Variants in LDAH observed in about 807,000 individuals in gnomAD.
LDAH encodes lipid droplet-associated hydrolase.
A neutral mutation model predicts 29.6 loss-of-function variants in LDAH; 26 were observed. The ratio of observed to expected loss-of-function variants is 0.88; its 90% CI spans 0.64 to 1.22. The LOEUF (loss-of-function observed/expected upper bound fraction) is 1.22. LDAH is among the 50% of genes most tolerant of loss of function. The pLI is 0.00. For missense variants in LDAH, 344 were observed against 387.3 expected, an observed-to-expected ratio of 0.89 and a Z score of 0.94; for synonymous variants, 117 against 133.0, an observed-to-expected ratio of 0.88 and a Z score of 0.83.
At chr2:20,756,238 T>C (rs1274210669) in intron 4 of LDAH, among the ~76,000 whole-genome samples, 1 of 152,102 alleles carries the variant, frequency 6.6e-6, no homozygotes, top group Non-Finnish European at 1.5e-5. Flanking sequence ...TTTCACCATA[T>C]TGGTCAGGCT....
intron 5 of LDAH, among the ~76,000 whole-genome samples, chr2:20,730,359 G>A (rs1666312592): frequency 6.6e-6 from 1 of 152,194 alleles, no homozygotes; most frequent in Non-Finnish European, 1.5e-5. Flanking sequence ...TCATAGGGTA[G>A]CTGCGTGTTT....
chr2:20,759,697 T>C lies in LDAH; in HGVS notation c.468+15113A>G, dbSNP rs562727283. On this transcript the variant is annotated intron_variant, in intron 4 of 6. Coordinates refer to ENST00000237822, the MANE Select transcript of LDAH (RefSeq NM_021925.4). ...AAAAAGAGGCAATTTCACAGAATGT[T>C]GTTCATCTGTTTCCACTCCCCTCCC... Among the ~76,000 whole-genome samples, 11 of 152,332 alleles carry C rather than the reference T, an allele frequency of 7.2e-5. No individual in the cohort carries two copies. In the East Asian group the frequency reaches 2.1e-3, roughly 29 times the overall value.
intron 4 of LDAH, among the ~76,000 whole-genome samples, chr2:20,749,356 C>T (rs1667799405): frequency 6.6e-6 from 1 of 152,084 alleles, no homozygotes; most frequent in South Asian, 2.1e-4. Context: ...TTCAGTGAAA[C>T]CAGTAAAAAA....
At chr2:20,754,500 CA>C (rs61076745) in intron 4 of LDAH, among the ~76,000 whole-genome samples, 16,070 of 76,886 alleles carry the variant, frequency 0.21, 622 homozygotes, top group Admixed American at 0.27. Context: ...ACCCTCGCCA[CA>C]AAAAAAAAAA....
chr2:20,803,444 G>C (rs1232293914), intron 1 of LDAH, among the ~76,000 whole-genome samples: 1 of 152,134 alleles, frequency 6.6e-6, no homozygotes, highest in Non-Finnish European at 1.5e-5. Flanking sequence ...TTGGTATACT[G>C]TCCTGCCCCA....
At chr2:20,817,667 T>C (rs1672944345) in intron 1 of LDAH, among the ~76,000 whole-genome samples, 1 of 152,172 alleles carries the variant, frequency 6.6e-6, no homozygotes. Flanking sequence ...CTTGGGCATT[T>C]ATCCCAGAGG....
At chr2:20,711,282 G>C (rs974968668) in intron 5 of LDAH, among the ~76,000 whole-genome samples, 1 of 151,946 alleles carries the variant, frequency 6.6e-6, no homozygotes, top group Non-Finnish European at 1.5e-5. Flanking sequence ...CAGCTACTCG[G>C]GAGGCTGAGG....
At chr2:20,744,075 CTT>C (rs1667401757) in intron 4 of LDAH, among the ~76,000 whole-genome samples, 1 of 152,010 alleles carries the variant, frequency 6.6e-6, no homozygotes. Context: ...TTCCATCTCT[CTT>C]CTTACATTGT....
chr2:20,789,188 T>C (rs950613778), intron 3 of LDAH: 7 of 1,550,512 alleles, frequency 4.5e-6, no homozygotes, highest in Middle Eastern at 1.7e-4. Flanking sequence ...CCCAAATCCA[T>C]AGGTGAAACC....
chr2:20,819,926 C>T (rs1673135030), intron 1 of LDAH, among the ~76,000 whole-genome samples: 1 of 152,160 alleles, frequency 6.6e-6, no homozygotes, highest in South Asian at 2.1e-4. Context: ...TCTCAAGATA[C>T]AAAATCAATG....
At chr2:20,744,222 GAT>G (rs1491101323) in intron 4 of LDAH, among the ~76,000 whole-genome samples, 43 of 93,442 alleles carry the variant, frequency 4.6e-4, no homozygotes, top group African/African-American at 2.3e-3. Context: ...ATTCTCCTCA[GAT>G]TTTTTTTTTT....
intron 6 of LDAH, among the ~76,000 whole-genome samples, chr2:20,691,453 A>C: frequency 6.6e-6 from 1 of 152,206 alleles, no homozygotes; most frequent in South Asian, 2.1e-4. Context: ...CTGAAATTAC[A>C]GGCGTGAGCC....
At chr2:20,809,182 G>A (rs1672297783) in intron 1 of LDAH, among the ~76,000 whole-genome samples, 1 of 149,080 alleles carries the variant, frequency 6.7e-6, no homozygotes, top group Non-Finnish European at 1.5e-5. Flanking sequence ...ACAAGGTCAG[G>A]AGATCAAGAC....
intron 4 of LDAH, among the ~76,000 whole-genome samples, chr2:20,769,075 C>T (rs534912528): frequency 2.6e-5 from 4 of 152,212 alleles, no homozygotes; most frequent in South Asian, 4.1e-4. Context: ...CACACTCTGC[C>T]GCAACCCAGT....
intron 1 of LDAH, among the ~76,000 whole-genome samples, chr2:20,812,352 C>T (rs1051690727): frequency 1.2e-4 from 18 of 152,196 alleles, no homozygotes; most frequent in Non-Finnish European, 2.5e-4. Context: ...ATGCTCTCCC[C>T]TGGAGATTAC....
chr2:20,747,193 T>C (rs569533851), intron 4 of LDAH, among the ~76,000 whole-genome samples: 2 of 152,248 alleles, frequency 1.3e-5, no homozygotes, highest in East Asian at 1.9e-4. Flanking sequence ...CACCTGTTTA[T>C]ATAGCTTATT....
chr2:20,795,748 C>G (rs1402661909), intron 2 of LDAH, among the ~76,000 whole-genome samples: 1 of 151,814 alleles, frequency 6.6e-6, no homozygotes, highest in East Asian at 1.9e-4. Context: ...GAAAAGAAAA[C>G]TCACAATTAT....
chr2:20,702,010 T>C (rs1404897870), intron 5 of LDAH, among the ~76,000 whole-genome samples: 1 of 151,984 alleles, frequency 6.6e-6, no homozygotes, highest in African/African-American at 2.4e-5. Flanking sequence ...CAATAAATCA[T>C]GTATACCAAG....
At chr2:20,762,910 C>T (rs17721572) in intron 4 of LDAH, among the ~76,000 whole-genome samples, 32,870 of 152,124 alleles carry the variant, frequency 0.22, 3,700 homozygotes, top group Admixed American at 0.26. Flanking sequence ...CACAAAAATA[C>T]AGACCATGGA....
Sources: gnomAD v4.1 joint callset for allele counts (sites outside exome capture counted in the v4.1 genomes callset) on GRCh38, gnomAD v4.1.1 for gene constraint, MANE v1.5 for transcripts, NCBI Gene and HGNC (gene_info 2026-07-23, HGNC 2026-07-21) for gene names.